Variants in FBXL17 observed in about 807,000 individuals in gnomAD.
The protein encoded by FBXL17 is F-box and leucine rich repeat protein 17, also known as F-box/LRR-repeat protein 17.
A neutral mutation model predicts 66.2 loss-of-function variants in FBXL17; 22 were observed. The ratio of observed to expected loss-of-function variants is 0.33; its 90% CI spans 0.24 to 0.47. The LOEUF (loss-of-function observed/expected upper bound fraction) is 0.47, where lower values mean the gene tolerates loss of function less well. Among genes scored for constraint, FBXL17 ranks in the 20% least tolerant of loss-of-function variants. The pLI is 1.00. For missense variants in FBXL17, 878 were observed against 948.2 expected, an observed-to-expected ratio of 0.93 and a Z score of 0.97; for synonymous variants, 474 against 400.5, an observed-to-expected ratio of 1.18 and a Z score of -2.19.
chr5:108,018,821 A>C (rs1754480672), intron 7 of FBXL17, among the ~76,000 whole-genome samples: 1 of 152,146 alleles, frequency 6.6e-6, no homozygotes, highest in African/African-American at 2.4e-5. Context: ...GCCTGACATT[A>C]TCTTCATTTA....
chr5:108,042,057 G>A (rs952553774), intron 6 of FBXL17, among the ~76,000 whole-genome samples: 11 of 151,994 alleles, frequency 7.2e-5, no homozygotes, highest in East Asian at 1.9e-4. Context: ...CACCGTGCTC[G>A]GCTAATTTTA....
chr5:108,015,105 A>C (rs557825808), intron 7 of FBXL17, among the ~76,000 whole-genome samples: 1 of 152,320 alleles, frequency 6.6e-6, no homozygotes, highest in South Asian at 2.1e-4. Context: ...ACTAAGAAAA[A>C]GAACATAACA....
intron 4 of FBXL17, among the ~76,000 whole-genome samples, chr5:108,316,980 A>G (rs1159704332): frequency 4.0e-5 from 6 of 151,316 alleles, no homozygotes; most frequent in African/African-American, 1.5e-4. Flanking sequence ...CAATCTGTAT[A>G]TTTATCACAT....
intron 6 of FBXL17, among the ~76,000 whole-genome samples, chr5:108,039,891 G>C (rs919565308): frequency 2.0e-5 from 3 of 152,064 alleles, no homozygotes; most frequent in Admixed American, 2.0e-4. Context: ...AATGCCTAAA[G>C]TTCCATGCCA....
chr5:108,115,617 C>A (rs1192084695), intron 6 of FBXL17, among the ~76,000 whole-genome samples: 1 of 151,282 alleles, frequency 6.6e-6, no homozygotes, highest in African/African-American at 2.4e-5. Flanking sequence ...TCACATCTTT[C>A]CATCTTTAAG....
chr5:108,031,974 C>T (rs1746660737), intron 6 of FBXL17, among the ~76,000 whole-genome samples: 1 of 152,118 alleles, frequency 6.6e-6, no homozygotes, highest in South Asian at 2.1e-4. Flanking sequence ...CATTTCATAA[C>T]GTTTGCAAAG....
intron 1 of FBXL17, among the ~76,000 whole-genome samples, chr5:108,369,908 A>G (rs1009406383): frequency 6.6e-6 from 1 of 152,224 alleles, no homozygotes; most frequent in South Asian, 2.1e-4. Context: ...AGAAAGATTA[A>G]TAAAAACAAG....
chr5:108,091,519 T>C (rs1363421431), intron 6 of FBXL17, among the ~76,000 whole-genome samples: 1 of 152,238 alleles, frequency 6.6e-6, no homozygotes, highest in African/African-American at 2.4e-5. Context: ...TTATTGCATG[T>C]TTCTTATTAT....
At chr5:108,146,196 C>T (rs895978833) in intron 6 of FBXL17, among the ~76,000 whole-genome samples, 6 of 150,950 alleles carry the variant, frequency 4.0e-5, no homozygotes, top group African/African-American at 1.2e-4. Flanking sequence ...GGCACCACTG[C>T]ACTCCAGCCT....
intron 6 of FBXL17, among the ~76,000 whole-genome samples, chr5:108,099,887 T>C (rs559086833): frequency 6.6e-6 from 1 of 152,344 alleles, no homozygotes; most frequent in East Asian, 1.9e-4. Flanking sequence ...AACACCATAA[T>C]GGTATGATAA....
At chr5:108,196,911 T>C (rs1051154869) in intron 5 of FBXL17, among the ~76,000 whole-genome samples, 4 of 152,194 alleles carry the variant, frequency 2.6e-5, no homozygotes, top group African/African-American at 9.6e-5. Context: ...CTGTAAGTTA[T>C]CAGTTTGAAG....
At chr5:108,176,709 C>G (rs1292301208) in intron 6 of FBXL17, among the ~76,000 whole-genome samples, 1 of 151,984 alleles carries the variant, frequency 6.6e-6, no homozygotes, top group Non-Finnish European at 1.5e-5. Flanking sequence ...TCTGGTGTTA[C>G]ATAGTAAGTA....
At chr5:108,200,895 T>C (rs1753866600) in intron 5 of FBXL17, among the ~76,000 whole-genome samples, 1 of 152,148 alleles carries the variant, frequency 6.6e-6, no homozygotes, top group Admixed American at 6.5e-5. Flanking sequence ...ATGTACTCTA[T>C]TGGACTCTAT....
intron 6 of FBXL17, among the ~76,000 whole-genome samples, chr5:108,175,969 T>C (rs1393410098): frequency 1.3e-5 from 2 of 152,230 alleles, no homozygotes; most frequent in Non-Finnish European, 2.9e-5. Flanking sequence ...CTGGGCTTCA[T>C]TTATCACACA....
At chr5:107,971,579 A>T (rs1752375379) in intron 7 of FBXL17, among the ~76,000 whole-genome samples, 1 of 152,100 alleles carries the variant, frequency 6.6e-6, no homozygotes, top group Admixed American at 6.6e-5. Context: ...ATAAGCTACA[A>T]TTTGGTGCGT....
At chr5:107,902,090 AC>A (rs1749584277) in intron 7 of FBXL17, among the ~76,000 whole-genome samples, 3 of 152,166 alleles carry the variant, frequency 2.0e-5, no homozygotes, top group Admixed American at 2.0e-4. Flanking sequence ...GCTAAACGAA[AC>A]CAGTTTGTGA....
intron 4 of FBXL17, among the ~76,000 whole-genome samples, chr5:108,277,827 C>T (rs1757544535): frequency 6.6e-6 from 1 of 152,196 alleles, no homozygotes. Flanking sequence ...TGTGTTTATA[C>T]TACACTGTAT....
chr5:108,346,203 A>C (rs1377307928), intron 4 of FBXL17, among the ~76,000 whole-genome samples: 6 of 152,154 alleles, frequency 3.9e-5, no homozygotes, highest in Non-Finnish European at 1.5e-5. Context: ...TATCTCAATT[A>C]TCCAATAAAG....
At chr5:108,156,419 CAT>C (rs1349439564) in intron 6 of FBXL17, among the ~76,000 whole-genome samples, 4 of 151,952 alleles carry the variant, frequency 2.6e-5, no homozygotes, top group Middle Eastern at 6.8e-3. Context: ...TTTCTGGAAA[CAT>C]GTACAGTAAT....
Sources: allele counts gnomAD v4.1 joint callset (sites outside exome capture counted in the v4.1 genomes callset), GRCh38; gene constraint gnomAD v4.1.1; transcripts MANE v1.5; gene names NCBI Gene and HGNC (gene_info 2026-07-23, HGNC 2026-07-21).